The following LPP variants were observed in gnomAD, a reference collection of about 807,000 sequenced individuals.
LPP encodes LIM domain containing preferred translocation partner in lipoma.
Under a neutral mutation model 60.4 loss-of-function variants are expected in LPP, and 38 were observed. That is an observed-to-expected ratio of 0.63 (90% CI 0.49 to 0.83). The LOEUF (loss-of-function observed/expected upper bound fraction) is 0.83, where lower values mean the gene tolerates loss of function less well. Among genes scored for constraint, LPP ranks in the 40% least tolerant of loss-of-function variants. The pLI, the probability that LPP is intolerant of heterozygous loss-of-function variation, is 0.00. For synonymous variants in LPP, 328 were observed against 290.8 expected, an observed-to-expected ratio of 1.13 and a Z score of -1.30; for missense variants, 902 against 783.6, an observed-to-expected ratio of 1.15 and a Z score of -1.80.
At position 188,888,632 on chromosome 3, in the gene LPP, T is replaced by C. The variant is rs1309073694; in HGVS notation, c.*14153T>C. On this transcript the variant is annotated 3_prime_UTR_variant, in exon 12 of 12. Coordinates refer to ENST00000617246, the MANE Select transcript of LPP (RefSeq NM_001375462.1). The stretch of plus-strand genomic sequence containing the variant: ...TTTACTGCCTTCAAAAAGTGCCTAT[T>C]CTGAGCAACATAAACGTTATTCCTT... 1.3e-5 allele frequency: 3 copies of C among 223,576 alleles called. No individual in the cohort carries two copies. The highest frequency in any genetic ancestry group is 6.7e-5 in the African/African-American group (3 of 44,816). 13.8% of individuals were successfully genotyped at this position (223,576 alleles called of 1,614,324 possible). A position where few individuals can be genotyped will look rare whatever the true frequency, so the allele number is the denominator to read the frequency against.
At chr3:188,672,783 T>A (rs1174422255) in intron 7 of LPP, among the ~76,000 whole-genome samples, 1 of 152,176 alleles carries the variant, frequency 6.6e-6, no homozygotes, top group Non-Finnish European at 1.5e-5. Flanking sequence ...CCTTTTAGAG[T>A]TGCTCCTGGA....
At chr3:188,860,559 C>T (rs1229188505) in intron 9 of LPP, among the ~76,000 whole-genome samples, 6 of 151,886 alleles carry the variant, frequency 4.0e-5, no homozygotes, top group South Asian at 4.2e-4. Context: ...ATGGTGCATC[C>T]GGAACCCACT....
rs143865877 is a variant in LPP at position 188,797,948 on chromosome 3, C to T, written c.1410+37666C>T. Among the ~76,000 whole-genome samples, 362 of 152,292 alleles carry T rather than the reference C, an allele frequency of 2.4e-3. 5 individuals are homozygous for T. Among genetic ancestry groups the T allele is most frequent in the Admixed American group, 2.8e-3 (43 of 15,292 alleles). ...GAAACCATTTGCTTATGAACTTGGA[C>T]AAGTTTCTTTACAACTCTGAACCTT... On this transcript the variant is annotated intron_variant, in intron 9 of 11. Transcript: ENST00000617246.
intron 6 of LPP, among the ~76,000 whole-genome samples, chr3:188,567,145 A>G (rs939833661): frequency 2.0e-5 from 3 of 151,876 alleles, no homozygotes; most frequent in African/African-American, 7.2e-5. Flanking sequence ...AGAGAAACAA[A>G]CCTAATTCTT....
intron 9 of LPP, among the ~76,000 whole-genome samples, chr3:188,816,832 T>A (rs1218000560): frequency 2.0e-5 from 3 of 152,210 alleles, no homozygotes; most frequent in Non-Finnish European, 4.4e-5. Context: ...TCTTATATAA[T>A]CCCTAATACT....
intron 4 of LPP, among the ~76,000 whole-genome samples, chr3:188,408,440 G>T (rs1367784105): frequency 1.3e-5 from 2 of 152,098 alleles, no homozygotes; most frequent in African/African-American, 2.4e-5. Context: ...TACTCTCTAG[G>T]AACACTGAAG....
At chr3:188,658,332 G>A (rs1053788706) in intron 7 of LPP, among the ~76,000 whole-genome samples, 2 of 152,106 alleles carry the variant, frequency 1.3e-5, no homozygotes, top group Non-Finnish European at 2.9e-5. Context: ...TTTTAGTAGA[G>A]ATAGAGTTTC....
chr3:188,323,774 G>A (rs890950232), intron 2 of LPP, among the ~76,000 whole-genome samples: 2 of 152,198 alleles, frequency 1.3e-5, no homozygotes, highest in Admixed American at 6.5e-5. Context: ...TGACTTTGAG[G>A]GTGAATGCCC....
At chr3:188,288,655 CATCTATGCATACAT>C (rs1339191169) in intron 2 of LPP, among the ~76,000 whole-genome samples, 1 of 152,122 alleles carries the variant, frequency 6.6e-6, no homozygotes, top group Non-Finnish European at 1.5e-5. Context: ...TATGCACACA[CATCTATGCATACAT>C]ACATACTTTT....
intron 1 of LPP, among the ~76,000 whole-genome samples, chr3:188,219,671 G>A (rs1715045018): frequency 6.6e-6 from 1 of 152,122 alleles, no homozygotes; most frequent in Non-Finnish European, 1.5e-5. Context: ...CCTGCCCCTG[G>A]TATCCAGGAC....
In LPP at chr3:188,412,058, T is replaced by G. The variant is rs77174878; in HGVS notation, c.193+5745T>G. ...TCCATCATTAAAATAGATAATCATT[T>G]GGAAAGATTTGTAAAGTTCACGTTT... On this transcript the variant is annotated intron_variant, in intron 4 of 11. Coordinates refer to ENST00000617246, the MANE Select transcript of LPP (RefSeq NM_001375462.1). 1.2e-3 allele frequency among the ~76,000 whole-genome samples: 178 copies of G among 152,268 alleles called. 3 individuals are homozygous for G. The East Asian group carries it at 0.032, about 27-fold the overall frequency.
At chr3:188,346,837 T>C (rs1198335533) in intron 3 of LPP, among the ~76,000 whole-genome samples, 2 of 152,186 alleles carry the variant, frequency 1.3e-5, no homozygotes, top group African/African-American at 2.4e-5. Context: ...CCTTTTGCTG[T>C]TGGATTTTCC....
At position 188,609,042 on chromosome 3, in the gene LPP, C is replaced by G; in HGVS notation, c.430-119C>G. ...GGCAAGATTATGCCTTATTTGTGTT[C>G]TACATAGTAATAAATAATAATTAGC... On this transcript the variant is annotated intron_variant, in intron 6 of 11. Coordinates refer to ENST00000617246, the MANE Select transcript of LPP (RefSeq NM_001375462.1). The surrounding 1 kb of genome is among the most constrained non-coding windows in gnomAD (Gnocchi z 6.9). The G allele has an allele frequency of 1.3e-6, 1 of 789,764 alleles. No homozygotes were observed. Among genetic ancestry groups the G allele is most frequent in the Non-Finnish European group, 2.0e-6 (1 of 502,916 alleles). 48.9% of individuals were successfully genotyped at this position (789,764 alleles called of 1,614,324 possible).
intron 10 of LPP, among the ~76,000 whole-genome samples, chr3:188,872,426 A>C (rs1768348663): frequency 6.6e-6 from 1 of 152,180 alleles, no homozygotes; most frequent in Non-Finnish European, 1.5e-5. Flanking sequence ...CTTCATGCCC[A>C]AGCAATTCAC....
chr3:188,622,324 G>A (rs934416845), intron 7 of LPP, among the ~76,000 whole-genome samples: 9 of 151,948 alleles, frequency 5.9e-5, no homozygotes, highest in Non-Finnish European at 7.4e-5. Context: ...TATTCTCTTC[G>A]TGTTCATTAA....
intron 4 of LPP, among the ~76,000 whole-genome samples, chr3:188,413,042 C>G (rs1785256559): frequency 6.6e-6 from 1 of 152,014 alleles, no homozygotes; most frequent in South Asian, 2.1e-4. Context: ...ACTGATGAGT[C>G]CTGGATTATT....
intron 8 of LPP, among the ~76,000 whole-genome samples, chr3:188,745,440 G>A (rs115061216): frequency 8.0e-4 from 122 of 152,128 alleles, no homozygotes; most frequent in African/African-American, 2.6e-3. Flanking sequence ...GTGAATTTTC[G>A]ACATCCTATA....
chr3:188,405,161 C>T (rs972339), intron 3 of LPP, among the ~76,000 whole-genome samples: 151,805 of 152,312 alleles, frequency 1, 75,649 homozygotes, highest in East Asian at 1. Flanking sequence ...TTCTATCCTC[C>T]GGTCCTAAAT....
At chr3:188,216,273 CTT>C (rs1315000809) in intron 1 of LPP, among the ~76,000 whole-genome samples, 51 of 131,100 alleles carry the variant, frequency 3.9e-4, no homozygotes, top group Admixed American at 7.3e-4. Context: ...CTTCTTCTTC[CTT>C]TTTTTTTTTT....
Sources: gnomAD v4.1 joint callset for allele counts (sites outside exome capture counted in the v4.1 genomes callset) on GRCh38, gnomAD v4.1.1 for gene constraint, Gnocchi (gnomAD v3.1) non-coding constraint, MANE v1.5 for transcripts, NCBI Gene and HGNC (gene_info 2026-07-23, HGNC 2026-07-21) for gene names.